The following ATG7 variants were observed in gnomAD, a reference collection of about 807,000 sequenced individuals.
ATG7 encodes autophagy related 7, also known as ubiquitin-like modifier-activating enzyme ATG7.
Under a neutral mutation model 82.4 loss-of-function variants are expected in ATG7, and 70 were observed. The ratio of observed to expected loss-of-function variants is 0.85; its 90% CI spans 0.70 to 1.04. The LOEUF (loss-of-function observed/expected upper bound fraction) is 1.04. Ranked by LOEUF, ATG7 falls within the 50% of genes least tolerant of loss-of-function variation. ATG7 has a pLI of 0.00. For synonymous variants in ATG7, 287 were observed against 313.0 expected, an observed-to-expected ratio of 0.92 and a Z score of 0.88; for missense variants, 792 against 864.3, an observed-to-expected ratio of 0.92 and a Z score of 1.05.
At chr3:11,564,831 A>C in the ATG7 span, 1 of 1,593,490 alleles carries the variant, frequency 6.3e-7, no homozygotes, top group Non-Finnish European at 8.5e-7. Context: ...TGTGGGCGAG[A>C]GGCCGGCTGG....
chr3:11,476,632 T>C (rs919103884), intron 20 of ATG7, among the ~76,000 whole-genome samples: 7 of 152,180 alleles, frequency 4.6e-5, no homozygotes, highest in Non-Finnish European at 1.0e-4. Context: ...CACTTTATTC[T>C]CAATGATGTT....
At chr3:11,345,456 G>A (rs1954377157) in intron 13 of ATG7, among the ~76,000 whole-genome samples, 1 of 151,994 alleles carries the variant, frequency 6.6e-6, no homozygotes, top group Admixed American at 6.6e-5. Context: ...AAGGGTGGTG[G>A]GAATCTTTGT....
chr3:11,274,634 T>G (rs1237966708), intron 1 of ATG7, among the ~76,000 whole-genome samples: 1 of 152,182 alleles, frequency 6.6e-6, no homozygotes, highest in Non-Finnish European at 1.5e-5. Flanking sequence ...AATAGCATGT[T>G]ACCCGCACAT....
At chr3:11,472,139 T>A (rs2087614100) in intron 20 of ATG7, among the ~76,000 whole-genome samples, 1 of 152,240 alleles carries the variant, frequency 6.6e-6, no homozygotes, top group Non-Finnish European at 1.5e-5. Context: ...AACATGAGAA[T>A]GTATTTGTTC....
At chr3:11,512,841 TGCTGATTGGTCCATTTTACAGAGA>T (rs1331939713) in intron 20 of ATG7, among the ~76,000 whole-genome samples, 46 of 152,206 alleles carry the variant, frequency 3.0e-4, no homozygotes, top group Admixed American at 5.9e-4. Flanking sequence ...ACCCACATCC[TGCTGATTGGTCCATTTTACAGAGA>T]GCTGATTGGT....
chr3:11,564,416 C>T, the ATG7 span, among the ~76,000 whole-genome samples: 6 of 151,984 alleles, frequency 3.9e-5, no homozygotes, highest in South Asian at 2.1e-4. Context: ...CCCCCCCACC[C>T]GAGGATGACT....
intron 20 of ATG7, among the ~76,000 whole-genome samples, chr3:11,507,398 C>T (rs966013386): frequency 2.0e-5 from 3 of 152,072 alleles, no homozygotes; most frequent in African/African-American, 7.2e-5. Flanking sequence ...AAATTTATGA[C>T]ATAGTAATAT....
chr3:11,399,418 G>A (rs1486075693), intron 19 of ATG7, among the ~76,000 whole-genome samples: 2 of 152,122 alleles, frequency 1.3e-5, no homozygotes, highest in Non-Finnish European at 2.9e-5. Flanking sequence ...ACAAAATGAA[G>A]TGATATTATT....
chr3:11,537,844 G>A (rs1575239745), intron 20 of ATG7, among the ~76,000 whole-genome samples: 2 of 152,328 alleles, frequency 1.3e-5, no homozygotes, highest in East Asian at 1.9e-4. Context: ...TGAGTCCTGA[G>A]AAACGAGCTA....
chr3:11,363,895 T>A (rs1188680760), intron 17 of ATG7, among the ~76,000 whole-genome samples: 1 of 152,238 alleles, frequency 6.6e-6, no homozygotes, highest in Non-Finnish European at 1.5e-5. Context: ...GTATGGGTAC[T>A]CTGAGATAAA....
Position 11,424,564 on chromosome 3 carries a change from T to A in ATG7, c.1957-2240T>A, listed in dbSNP as rs575819950. Among the ~76,000 whole-genome samples, 18 of 151,160 alleles carry A rather than the reference T, an allele frequency of 1.2e-4. No homozygotes were observed. The South Asian group carries it at 3.5e-3, about 30-fold the overall frequency. On this transcript the variant is annotated intron_variant, in intron 19 of 20. Transcript: ENST00000693202. ...GAGAGCTGATTAAATTATGGTGTAT[T>A]TATTATCGGTGGCAATTAAATAATT...
intron 19 of ATG7, among the ~76,000 whole-genome samples, chr3:11,422,769 T>TTTTTTTTTTTTTTTTTTTTTTTTG (rs1386943052): frequency 9.7e-6 from 1 of 102,628 alleles, no homozygotes; most frequent in African/African-American, 4.0e-5. Context: ...TTTTTTTTTT[T>TTTTTTTTTTTTTTTTTTTTTTTTG]GGAGACAGAG....
intron 20 of ATG7, among the ~76,000 whole-genome samples, chr3:11,429,790 A>G (rs1403809823): frequency 2.0e-5 from 3 of 152,072 alleles, no homozygotes; most frequent in African/African-American, 7.2e-5. Flanking sequence ...TCTACTAAAA[A>G]TACAAAATCT....
chr3:11,561,700 T>G (rs1191049600), downstream of ATG7, among the ~76,000 whole-genome samples: 2 of 151,772 alleles, frequency 1.3e-5, no homozygotes, highest in Admixed American at 1.3e-4. Flanking sequence ...ATGGGGAAAA[T>G]GAAGGCCAGA....
chr3:11,318,393 A>C (rs1360937196), intron 9 of ATG7, among the ~76,000 whole-genome samples: 3 of 152,218 alleles, frequency 2.0e-5, no homozygotes, highest in African/African-American at 7.2e-5. Flanking sequence ...AATGGAAGAT[A>C]AGTTCAGAGA....
the ATG7 span, among the ~76,000 whole-genome samples, chr3:11,563,926 G>A: frequency 6.6e-6 from 1 of 152,132 alleles, no homozygotes; most frequent in Non-Finnish European, 1.5e-5. Flanking sequence ...CATCAGACAC[G>A]GACACCAGGC....
intron 11 of ATG7, among the ~76,000 whole-genome samples, chr3:11,333,312 C>G (rs1327102871): frequency 6.6e-6 from 1 of 152,194 alleles, no homozygotes; most frequent in Non-Finnish European, 1.5e-5. Context: ...TTTCTCTAGG[C>G]AGTTTTTTCA....
At chr3:11,367,815 C>G (rs1449601993) in intron 18 of ATG7, among the ~76,000 whole-genome samples, 1 of 149,334 alleles carries the variant, frequency 6.7e-6, no homozygotes, top group Non-Finnish European at 1.5e-5. Context: ...ATTCTGCAAG[C>G]AGGCAGCAGT....
intron 20 of ATG7, among the ~76,000 whole-genome samples, chr3:11,471,207 C>T (rs1010885886): frequency 2.6e-5 from 4 of 152,144 alleles, no homozygotes; most frequent in African/African-American, 9.7e-5. Context: ...ATGAGATCAG[C>T]TCTTCAGCAT....
Sources: gnomAD v4.1 joint callset for allele counts (sites outside exome capture counted in the v4.1 genomes callset) on GRCh38, gnomAD v4.1.1 for gene constraint, MANE v1.5 for transcripts, NCBI Gene and HGNC (gene_info 2026-07-23, HGNC 2026-07-21) for gene names.